NCAM2: variants seen among roughly 807,000 people sequenced by gnomAD.
The protein encoded by NCAM2 is neural cell adhesion molecule 2.
In NCAM2, 30 loss-of-function variants were observed where a neutral mutation model predicts 98.1. The observed-to-expected ratio is 0.31, with a 90% confidence interval of 0.23 to 0.41. NCAM2 has a LOEUF of 0.41. NCAM2 is among the 10% of genes least tolerant of loss of function. The probability of loss-of-function intolerance (pLI) is 1.00; values close to 1 mark genes in which losing one functional copy is unlikely to be tolerated. For synonymous variants in NCAM2, 368 were observed against 342.4 expected (o/e 1.07, Z -0.83); for missense variants, 867 against 1,005.8 (o/e 0.86, Z 1.87).
chr21:21,491,628 T>C (rs233769), intron 15 of NCAM2, among the ~76,000 whole-genome samples: 4,434 of 151,802 alleles, frequency 0.029, 203 homozygotes, highest in African/African-American at 0.1. Context: ...GAGCAAAATG[T>C]TACATTGCCT....
chr21:21,234,409 T>C (rs1430711128), intron 1 of NCAM2, among the ~76,000 whole-genome samples: 1 of 151,998 alleles, frequency 6.6e-6, no homozygotes, highest in African/African-American at 2.4e-5. Flanking sequence ...GTAAGACTCC[T>C]TGTAAGAATA....
chr21:21,134,236 T>A (rs955716681), intron 1 of NCAM2, among the ~76,000 whole-genome samples: 3 of 151,756 alleles, frequency 2.0e-5, no homozygotes, highest in Non-Finnish European at 4.4e-5. Flanking sequence ...GCCTGGCTAA[T>A]TTTTTTTGTA....
intron 1 of NCAM2, among the ~76,000 whole-genome samples, chr21:21,151,202 A>G (rs1046500667): frequency 2.6e-5 from 4 of 151,828 alleles, no homozygotes; most frequent in African/African-American, 4.8e-5. Context: ...AATCTGGAGG[A>G]TTTAGTCATA....
intron 1 of NCAM2, among the ~76,000 whole-genome samples, chr21:21,073,233 C>T (rs7280304): frequency 0.037 from 5,645 of 152,232 alleles, 327 homozygotes; most frequent in African/African-American, 0.13. Context: ...GATGGACACA[C>T]TTATAAATGC....
At chr21:21,497,360 T>C (rs1987316327) in intron 15 of NCAM2, among the ~76,000 whole-genome samples, 1 of 152,168 alleles carries the variant, frequency 6.6e-6, no homozygotes, top group Non-Finnish European at 1.5e-5. Flanking sequence ...GTTGAAATTC[T>C]AAAAGGTATA....
At chr21:21,022,844 A>G (rs144830971) in intron 1 of NCAM2, among the ~76,000 whole-genome samples, 13 of 152,306 alleles carry the variant, frequency 8.5e-5, no homozygotes, top group African/African-American at 1.4e-4. Context: ...AGTGATTGTC[A>G]TAGACATGTA....
intron 1 of NCAM2, among the ~76,000 whole-genome samples, chr21:21,019,200 G>A (rs1447024495): frequency 6.6e-6 from 1 of 152,172 alleles, no homozygotes; most frequent in Non-Finnish European, 1.5e-5. Context: ...TCCCAGTTCT[G>A]TTCCATGCTC....
intron 1 of NCAM2, among the ~76,000 whole-genome samples, chr21:21,254,938 A>G (rs1412078680): frequency 8.3e-6 from 1 of 120,582 alleles, no homozygotes; most frequent in African/African-American, 3.1e-5. Context: ...GTGTACCCAC[A>G]TAGCATATCT....
intron 16 of NCAM2, among the ~76,000 whole-genome samples, chr21:21,525,782 A>G (rs553295731): frequency 2.9e-4 from 44 of 152,252 alleles, no homozygotes; most frequent in African/African-American, 9.4e-4. Context: ...GTCAAATCCA[A>G]CAATTTATAA....
intron 14 of NCAM2, among the ~76,000 whole-genome samples, chr21:21,470,451 A>G (rs1268121473): frequency 6.6e-6 from 1 of 152,104 alleles, no homozygotes; most frequent in Non-Finnish European, 1.5e-5. Context: ...AGTTCATATA[A>G]TGGTACTCAA....
chr21:21,027,828 C>A (rs533963236), intron 1 of NCAM2, among the ~76,000 whole-genome samples: 1 of 151,648 alleles, frequency 6.6e-6, no homozygotes, highest in African/African-American at 2.4e-5. Flanking sequence ...ATGTAATTGC[C>A]CTTTCCTCTG....
intron 1 of NCAM2, among the ~76,000 whole-genome samples, chr21:21,275,287 A>G (rs1244407039): frequency 6.6e-6 from 1 of 151,652 alleles, no homozygotes; most frequent in African/African-American, 2.4e-5. Context: ...AAAAATACAA[A>G]AAATTAGCCG....
At chr21:21,068,825 A>T (rs1232262918) in intron 1 of NCAM2, among the ~76,000 whole-genome samples, 1 of 152,138 alleles carries the variant, frequency 6.6e-6, no homozygotes, top group Non-Finnish European at 1.5e-5. Flanking sequence ...AGTTGTTAAT[A>T]TTCCAGTTTG....
At chr21:21,407,522 A>G (rs1159594115) in intron 9 of NCAM2, among the ~76,000 whole-genome samples, 2 of 152,230 alleles carry the variant, frequency 1.3e-5, no homozygotes, top group East Asian at 1.9e-4. Context: ...ATTAAAATAC[A>G]CTACATGCAG....
chr21:21,493,127 T>A (rs117084483), intron 15 of NCAM2, among the ~76,000 whole-genome samples: 5 of 152,064 alleles, frequency 3.3e-5, no homozygotes, highest in Middle Eastern at 3.4e-3. Context: ...AAAGAAAGTT[T>A]AAGTGAACAG....
At chr21:21,082,564 T>C (rs1335882220) in intron 1 of NCAM2, among the ~76,000 whole-genome samples, 1 of 152,188 alleles carries the variant, frequency 6.6e-6, no homozygotes, top group Non-Finnish European at 1.5e-5. Context: ...CTACCACCTA[T>C]GCTATTTTTA....
intron 1 of NCAM2, among the ~76,000 whole-genome samples, chr21:21,050,929 G>T (rs2146293953): frequency 6.6e-6 from 1 of 152,232 alleles, no homozygotes; most frequent in Middle Eastern, 3.4e-3. Context: ...ATATTTATTT[G>T]GGAACAGCAT....
At chr21:21,206,050 T>C (rs1038646861) in intron 1 of NCAM2, among the ~76,000 whole-genome samples, 1 of 152,170 alleles carries the variant, frequency 6.6e-6, no homozygotes, top group Non-Finnish European at 1.5e-5. Flanking sequence ...GTAGCAGTAC[T>C]CTTAGCAACT....
In NCAM2 at chr21:21,349,906, T is replaced by C. The variant is rs150824523; in HGVS notation, c.1044+11372T>C. ...CTCAAGGACATAGATAATAGAAGAA[T>C]GGTAACCAGATGATGGGAAGTATAG... On this transcript the variant is annotated intron_variant, in intron 8 of 17. Coordinates refer to ENST00000400546, the MANE Select transcript of NCAM2 (RefSeq NM_004540.5). Among the ~76,000 whole-genome samples, 741 of 152,228 alleles carry C rather than the reference T, an allele frequency of 4.9e-3. 2 individuals carry two copies. Among genetic ancestry groups the C allele is most frequent in the Non-Finnish European group, 9.0e-3 (611 of 68,010 alleles).
Sources: gnomAD v4.1 joint callset for allele counts (sites outside exome capture counted in the v4.1 genomes callset) on GRCh38, gnomAD v4.1.1 for gene constraint, MANE v1.5 for transcripts, NCBI Gene and HGNC (gene_info 2026-07-23, HGNC 2026-07-21) for gene names.